Variants in VWC2L observed in about 807,000 individuals in gnomAD.
The protein encoded by VWC2L is von Willebrand factor C domain-containing protein 2-like.
In VWC2L, 10 loss-of-function variants were observed where a neutral mutation model predicts 21.6. The ratio of observed to expected loss-of-function variants is 0.46; its 90% CI spans 0.29 to 0.78. The LOEUF is 0.78. Ranked by LOEUF, VWC2L falls within the 30% of genes least tolerant of loss-of-function variation. The pLI is 0.10. For synonymous variants in VWC2L, 96 were observed against 94.3 expected, an observed-to-expected ratio of 1.02 and a Z score of -0.10; for missense variants, 209 against 277.1, an observed-to-expected ratio of 0.75 and a Z score of 1.74.
At chr2:214,559,471 C>T (rs1217024246) in intron 3 of VWC2L, among the ~76,000 whole-genome samples, 1 of 152,102 alleles carries the variant, frequency 6.6e-6, no homozygotes, top group East Asian at 1.9e-4. Context: ...CTGTGGGGCT[C>T]TGCTGCCTGA....
chr2:214,561,234 T>C (rs1262558208), intron 3 of VWC2L, among the ~76,000 whole-genome samples: 1 of 152,184 alleles, frequency 6.6e-6, no homozygotes, highest in Admixed American at 6.5e-5. Context: ...ACGGATGCAG[T>C]TGATCAAGCA....
rs61671692 is a variant in VWC2L at position 214,478,427 on chromosome 2, G to T, written c.520+41669G>T. Among the ~76,000 whole-genome samples the T allele has an allele frequency of 2.6e-5, 4 of 151,228 alleles. No individual in the cohort carries two copies. The East Asian group carries it at 7.8e-4, about 29-fold the overall frequency. The stretch of plus-strand genomic sequence containing the variant: ...CCAGGAGGCGGAGTTTGCAGTGAGC[G>T]GAGATCGCGCCACTGCACTCTAGCC... On this transcript the variant is annotated intron_variant, in intron 3 of 3. Coordinates refer to ENST00000312504, the MANE Select transcript of VWC2L (RefSeq NM_001080500.4).
chr2:214,536,071 C>T (rs1196051419), intron 3 of VWC2L, among the ~76,000 whole-genome samples: 5 of 152,118 alleles, frequency 3.3e-5, no homozygotes, highest in African/African-American at 9.7e-5. Context: ...CATTACACTA[C>T]ACTGTGAGGA....
chr2:214,416,181 T>C (rs1702351915), intron 2 of VWC2L, among the ~76,000 whole-genome samples: 1 of 152,054 alleles, frequency 6.6e-6, no homozygotes, highest in African/African-American at 2.4e-5. Context: ...AATTTGGTAA[T>C]CTGTATTTAA....
At chr2:214,558,265 G>A (rs578018419) in intron 3 of VWC2L, among the ~76,000 whole-genome samples, 1 of 151,916 alleles carries the variant, frequency 6.6e-6, no homozygotes, top group African/African-American at 2.4e-5. Context: ...GTCGTCCTAG[G>A]CCCTCTTTCT....
intron 3 of VWC2L, among the ~76,000 whole-genome samples, chr2:214,545,645 A>T (rs947765945): frequency 2.0e-5 from 3 of 152,152 alleles, no homozygotes; most frequent in South Asian, 2.1e-4. Flanking sequence ...TTCTGAAAAA[A>T]ATTTATCTCT....
intron 3 of VWC2L, among the ~76,000 whole-genome samples, chr2:214,480,907 G>A (rs959646020): frequency 4.3e-5 from 6 of 138,092 alleles, no homozygotes; most frequent in Admixed American, 7.2e-5. Flanking sequence ...TATTTCTGAT[G>A]AAGAAAGAAA....
intron 3 of VWC2L, among the ~76,000 whole-genome samples, chr2:214,533,127 G>A (rs769961650): frequency 6.6e-6 from 1 of 151,906 alleles, no homozygotes; most frequent in African/African-American, 2.4e-5. Context: ...CTCTGCTTGC[G>A]ATTACCTGAC....
intron 3 of VWC2L, among the ~76,000 whole-genome samples, chr2:214,534,382 G>T (rs766346713): frequency 6.6e-6 from 1 of 151,996 alleles, no homozygotes; most frequent in Non-Finnish European, 1.5e-5. Context: ...GTATCTCTGC[G>T]TTCTTTGATA....
intron 3 of VWC2L, among the ~76,000 whole-genome samples, chr2:214,488,045 G>A (rs577697834): frequency 4.3e-4 from 66 of 152,198 alleles, no homozygotes; most frequent in African/African-American, 1.4e-3. Flanking sequence ...GGGACTCACC[G>A]TACCTTGTAT....
intron 3 of VWC2L, among the ~76,000 whole-genome samples, chr2:214,541,866 T>C (rs1275663576): frequency 6.6e-6 from 1 of 152,102 alleles, no homozygotes; most frequent in Non-Finnish European, 1.5e-5. Context: ...TCTAGGTGAA[T>C]TTTAGATAGC....
At chr2:214,533,340 G>A (rs1401687812) in intron 3 of VWC2L, among the ~76,000 whole-genome samples, 1 of 152,014 alleles carries the variant, frequency 6.6e-6, no homozygotes, top group African/African-American at 2.4e-5. Flanking sequence ...TAGAATAATT[G>A]AACAAGCCTG....
rs1690039680 is a variant in VWC2L, at chr2:214,564,976, A to G, written c.521-10696A>G. On this transcript the variant is annotated intron_variant, in intron 3 of 3. Coordinates refer to ENST00000312504, the MANE Select transcript of VWC2L (RefSeq NM_001080500.4). The stretch of plus-strand genomic sequence containing the variant: ...TCCTTCCATCCTCATATAATCCTAT[A>G]CAAATATGCACCAAAGTTTGTCTAC... Among the ~76,000 whole-genome samples, 4 of 152,132 alleles carry G rather than the reference A, an allele frequency of 2.6e-5. No individual in the cohort carries two copies. The South Asian group carries it at 6.2e-4, about 24-fold the overall frequency.
intron 3 of VWC2L, among the ~76,000 whole-genome samples, chr2:214,437,866 C>T (rs1702700573): frequency 1.3e-5 from 2 of 152,138 alleles, no homozygotes; most frequent in East Asian, 3.9e-4. Flanking sequence ...TTCCAAAGGA[C>T]TTATTAAAAA....
chr2:214,434,269 C>A (rs938455474), intron 2 of VWC2L, among the ~76,000 whole-genome samples: 1 of 152,126 alleles, frequency 6.6e-6, no homozygotes, highest in South Asian at 2.1e-4. Flanking sequence ...TATCTGTTAA[C>A]ACTTCTCCCA....
intron 2 of VWC2L, among the ~76,000 whole-genome samples, chr2:214,431,476 A>T (rs1178952214): frequency 2.6e-5 from 4 of 152,298 alleles, no homozygotes; most frequent in East Asian, 1.9e-4. Flanking sequence ...GCCTAATATC[A>T]CTTGATCAGA....
At chr2:214,569,730 G>A (rs1292776991) in intron 3 of VWC2L, among the ~76,000 whole-genome samples, 3 of 151,882 alleles carry the variant, frequency 2.0e-5, no homozygotes, top group Admixed American at 6.6e-5. Flanking sequence ...TCTGCACCCC[G>A]ACACACACCC....
At chr2:214,468,256 A>T (rs937491620) in intron 3 of VWC2L, among the ~76,000 whole-genome samples, 12 of 152,148 alleles carry the variant, frequency 7.9e-5, no homozygotes, top group Non-Finnish European at 1.5e-4. Flanking sequence ...GCCTCAAGGG[A>T]TCTGCCCGCC....
At chr2:214,513,653 A>C (rs1190726601) in intron 3 of VWC2L, among the ~76,000 whole-genome samples, 2 of 152,184 alleles carry the variant, frequency 1.3e-5, no homozygotes, top group East Asian at 3.9e-4. Flanking sequence ...ATAATTTTGG[A>C]GGACCTATTT....
Sources: allele counts gnomAD v4.1 joint callset (sites outside exome capture counted in the v4.1 genomes callset), GRCh38; gene constraint gnomAD v4.1.1; transcripts MANE v1.5; gene names NCBI Gene and HGNC (gene_info 2026-07-23, HGNC 2026-07-21).